ISYNA1: variants seen among roughly 807,000 people sequenced by gnomAD.
The protein encoded by ISYNA1 is inositol-3-phosphate synthase 1, also known as MI-1-P synthase.
In ISYNA1, 34 loss-of-function variants were observed where a neutral mutation model predicts 50.3. The observed-to-expected ratio is 0.68, with a 90% CI of 0.51 to 0.90. The LOEUF is 0.90. ISYNA1 is among the 40% of genes least tolerant of loss of function. ISYNA1 has a pLI of 0.00. For missense variants in ISYNA1, 718 were observed against 784.8 expected (o/e 0.91, Z 1.02); for synonymous variants, 396 against 349.9 (o/e 1.13, Z -1.47).
At chr19:18,437,132 G>GA in intron 3 of ISYNA1, 27 bp from the exon 4 acceptor site, 1 of 1,546,430 alleles carries the variant, frequency 6.5e-7, no homozygotes, top group Non-Finnish European at 8.7e-7. Flanking sequence ...ACGGCGAGGT[G>GA]ACGGGTGGGA....
In ISYNA1 at chr19:18,436,531, T is replaced by C. The variant is rs1974052654; in HGVS notation, c.610-52A>G. On this transcript the variant is annotated intron_variant, in intron 5 of 10. Coordinates refer to ENST00000338128, the MANE Select transcript of ISYNA1 (RefSeq NM_016368.5). ...GGAGGATGGAGAGGGTGTAGGGAAG[T>C]TGGTTGTACATACTCTCGGACTCAC... 4 of 1,599,790 alleles carry C rather than the reference T, an allele frequency of 2.5e-6. No individual in the cohort carries two copies. In the East Asian group the frequency reaches 8.9e-5, roughly 36 times the overall value.
chr19:18,435,009 C>G lies in ISYNA1; in HGVS notation c.1581G>C (p.Met527Ile). The change falls in exon 11 of 11, where the codon ATG (methionine) becomes ATC (isoleucine). Residue 527 changes from methionine to isoleucine, a missense_variant. Physicochemically the swap from Met to Ile is conservative, Grantham distance 10. This residue lies in a region of ISYNA1 where 305 missense variants were observed against 292.6 expected (regional missense o/e 1.04). Transcript: ENST00000338128. Reference protein sequence around the residue: ...RVGPVAATYPMLNKKGPVPAA... With the variant: ...RVGPVAATYPILNKKGPVPAA... ...CGGGTACCGGTCCTTTCTTGTTCAA[C>G]ATAGGGTAGGTGGCAGCCACGGGTC... is the stretch of plus-strand genomic sequence containing the variant. The G allele has an allele frequency of 6.2e-7, 1 of 1,613,540 alleles. No individual in the cohort carries two copies. Among genetic ancestry groups the G allele is most frequent in the Non-Finnish European group, 8.5e-7 (1 of 1,180,002 alleles).
At chr19:18,437,310 G>C in intron 3 of ISYNA1, 4 of 1,418,098 alleles carry the variant, frequency 2.8e-6, no homozygotes, top group Non-Finnish European at 3.7e-6. Context: ...TAAGACTCCC[G>C]AGGAGTCCCC....
Position 18,435,546 on chromosome 19 carries a change from C to T in ISYNA1, c.1254+17G>A, listed in dbSNP as rs369788507. 2.6e-5 allele frequency: 41 copies of T among 1,603,344 alleles called. No individual in the cohort carries two copies. Among genetic ancestry groups the T allele is most frequent in the African/African-American group, 1.7e-4 (13 of 74,574 alleles). On this transcript the variant is annotated intron_variant, in intron 9 of 10. Transcript: ENST00000338128. ...CAAGCCCTGCCTCCCATAGCAGCCC[C>T]TGAAGCCGCGCCGCACCTCACACGT... is the stretch of plus-strand genomic sequence containing the variant.
rs1974145265 is a variant in ISYNA1, at chr19:18,438,113, C to T, written c.-30G>A. The stretch of plus-strand genomic sequence containing the variant: ...CTCACCGGCGCAGAGTCGACTCAGG[C>T]AGCGGCGGCGGACAGCGCGGGCTCT... On this transcript the variant is annotated 5_prime_UTR_variant, in exon 1 of 11. Coordinates refer to ENST00000338128, the MANE Select transcript of ISYNA1 (RefSeq NM_016368.5). The T allele has an allele frequency of 5.0e-6, 5 of 1,004,150 alleles. No individual in the cohort carries two copies. The South Asian group carries it at 5.9e-5, about 12-fold the overall frequency. 62.2% of individuals were successfully genotyped at this position (1,004,150 alleles called of 1,614,324 possible).
Position 18,434,808 on chromosome 19 carries a change from G to A in ISYNA1, c.*105C>T. The A allele has an allele frequency of 1.0e-6, 1 of 973,934 alleles. No homozygotes were observed. Among genetic ancestry groups the A allele is most frequent in the Non-Finnish European group, 1.6e-6 (1 of 627,350 alleles). 60.3% of individuals were successfully genotyped at this position (973,934 alleles called of 1,614,324 possible). On this transcript the variant is annotated 3_prime_UTR_variant, in exon 11 of 11. Transcript: ENST00000338128. ...AGGTCACAGGCCCCAAGAACCCCAG[G>A]TGGAAGGAGGGCTGAGTGGCAGCGC...
In ISYNA1 at chr19:18,434,454, G is replaced by C; in HGVS notation, c.*459C>G. 1.0e-6 allele frequency: 1 copy of C among 988,944 alleles called. No individual in the cohort carries two copies. Among genetic ancestry groups the C allele is most frequent in the South Asian group, 2.5e-5 (1 of 40,576 alleles). The allele number at this position is 988,944 out of a possible 1,614,324, so 61.3% of individuals were successfully genotyped here. A position where few individuals can be genotyped will look rare whatever the true frequency, so the allele number is the denominator to read the frequency against. On this transcript the variant is annotated 3_prime_UTR_variant, in exon 11 of 11. Transcript: ENST00000338128. ...GTTCTTTTCTGTATGGACCCTTCCT[G>C]CCATTTGTATTTTGTCCCAGAGAGA...
intron 3 of ISYNA1, 140 bp downstream of exon 3, chr19:18,437,459 C>A: frequency 2.0e-6 from 2 of 978,528 alleles, no homozygotes; most frequent in Non-Finnish European, 2.7e-6. Flanking sequence ...GTCCCTCGCC[C>A]CTGCAGCCCC....
rs1974023291 is a variant in ISYNA1, at chr19:18,436,263, G to GC, written c.760-17dup. 6.2e-7 allele frequency: 1 copy of GC among 1,607,490 alleles called. No homozygotes were observed. Among genetic ancestry groups the GC allele is most frequent in the African/African-American group, 1.3e-5 (1 of 74,862 alleles). On this transcript the variant is annotated splice_polypyrimidine_tract_variant and intron_variant, in intron 6 of 10. Coordinates refer to ENST00000338128, the MANE Select transcript of ISYNA1 (RefSeq NM_016368.5). Reference sequence around the variant, plus strand: ...CCAGACCGAGCTGTGGGCAAGGCGGGCAGTCAGCACAGAGCTGTGTCTGTG... The same window carrying GC: ...CCAGACCGAGCTGTGGGCAAGGCGGGCCAGTCAGCACAGAGCTGTGTCTGTG...
Position 18,437,101 on chromosome 19 carries a change from G to C in ISYNA1, c.287C>G (p.Ala96Gly), listed in dbSNP as rs796373956. The change falls in exon 4 of 11, where the codon GCC becomes GGC. Residue 96 changes from alanine (A) to glycine (G), a missense_variant. Physicochemically the swap from Ala to Gly is moderately conservative, Grantham distance 60. This residue lies in a region of ISYNA1 where 403 missense variants were observed against 466.6 expected (regional missense o/e 0.86). Coordinates refer to ENST00000338128, the MANE Select transcript of ISYNA1 (RefSeq NM_016368.5). ...SWPTRSGRKE[A>G]NYYGSLTQAG... ...CTGAGTCAGCGAGCCGTAGTAGTTGGCCTCCTGGGGGTCAGCAGACACGGC... is the reference window on the plus strand; with the variant it reads ...CTGAGTCAGCGAGCCGTAGTAGTTGCCCTCCTGGGGGTCAGCAGACACGGC... 1 of 1,579,430 alleles carries C rather than the reference G, an allele frequency of 6.3e-7. No homozygotes were observed. Among genetic ancestry groups the C allele is most frequent in the Admixed American group, 1.8e-5 (1 of 54,860 alleles).
Position 18,434,406 on chromosome 19 carries a change from A to G in ISYNA1, c.*507T>C. 7.6e-7 allele frequency: 1 copy of G among 1,314,738 alleles called. No individual in the cohort carries two copies. Among genetic ancestry groups the G allele is most frequent in the African/African-American group, 1.5e-5 (1 of 65,964 alleles). 81.4% of individuals were successfully genotyped at this position (1,314,738 alleles called of 1,614,324 possible). A position where few individuals can be genotyped will look rare whatever the true frequency, so the allele number is the denominator to read the frequency against. Reference sequence around the variant, plus strand: ...CACGAAAGACTCTTACCATTTTATTAAAAACGCAAGGACCTCAGAGACGTT... The same window carrying G: ...CACGAAAGACTCTTACCATTTTATTGAAAACGCAAGGACCTCAGAGACGTT... On this transcript the variant is annotated 3_prime_UTR_variant, in exon 11 of 11. Transcript: ENST00000338128.
At chr19:18,436,572 T>C in intron 5 of ISYNA1, 93 bp from the exon 6 acceptor site, 1 of 1,597,128 alleles carries the variant, frequency 6.3e-7, no homozygotes. Context: ...CCTGGGCTAC[T>C]CAGTTCCCCG....
In ISYNA1 at chr19:18,434,690, C is replaced by T. The variant is rs991256161; in HGVS notation, c.*223G>A. 6.8e-6 allele frequency: 4 copies of T among 589,144 alleles called. No homozygotes were observed. The highest frequency in any genetic ancestry group is 4.1e-5 in the South Asian group (2 of 48,960). The allele number at this position is 589,144 out of a possible 1,614,324, so 36.5% of individuals were successfully genotyped here. ...GCAGAGCGAGGCTCCAGGTTCTGGG[C>T]TCTCCCTGGGAGTTGGGGTGATGAC... is the stretch of plus-strand genomic sequence containing the variant. On this transcript the variant is annotated 3_prime_UTR_variant, in exon 11 of 11. Transcript: ENST00000338128.
rs1271013314 is a variant in ISYNA1 at position 18,437,622 on chromosome 19, A to G, written c.259T>C (p.Trp87Arg). The change falls in exon 3 of 11, where the codon TGG becomes CGG. Residue 87 changes from tryptophan (W) to arginine (R), a missense_variant. Physicochemically the swap from Trp to Arg is moderately radical, Grantham distance 101 (BLOSUM62 -3). Transcript: ENST00000338128. ...ACCTTGCGGCCGCTGCGCGTGGGCC[A>G]GGACAAACGCAGTCGATTGGCCAGC... ...AVLANRLRLS[W>R]PTRSGRKEAN... is the part of the protein sequence containing the mutation. The G allele has an allele frequency of 7.7e-7, 1 of 1,297,148 alleles. No homozygotes were observed. Among genetic ancestry groups the G allele is most frequent in the Non-Finnish European group, 1.0e-6 (1 of 997,040 alleles). 80.4% of individuals were successfully genotyped at this position (1,297,148 alleles called of 1,614,324 possible).
chr19:18,437,118 A>G lies in ISYNA1; in HGVS notation c.283-13T>C. On this transcript the variant is annotated splice_polypyrimidine_tract_variant and intron_variant, in intron 3 of 10. Coordinates refer to ENST00000338128, the MANE Select transcript of ISYNA1 (RefSeq NM_016368.5). ...AGTAGTTGGCCTCCTGGGGGTCAGC[A>G]GACACGGCGAGGTGACGGGTGGGAG... The G allele has an allele frequency of 6.4e-7, 1 of 1,559,480 alleles. No individual in the cohort carries two copies.
Position 18,434,856 on chromosome 19 carries a change from G to T in ISYNA1, c.*57C>A, listed in dbSNP as rs563687209. ...CGCCTTTATTTGTGGGGGCCTTCAA[G>T]GTAGGGTCGTGGGGGGCAGCGGGGA... On this transcript the variant is annotated 3_prime_UTR_variant, in exon 11 of 11. Transcript: ENST00000338128. 51 of 1,474,828 alleles carry T rather than the reference G, an allele frequency of 3.5e-5. No individual in the cohort carries two copies. The African/African-American group carries it at 5.9e-4, about 17-fold the overall frequency. 91.4% of individuals were successfully genotyped at this position (1,474,828 alleles called of 1,614,324 possible).
At position 18,437,865 on chromosome 19, in the gene ISYNA1, G is replaced by C. The variant is rs776585443; in HGVS notation, c.115C>G (p.Leu39Val). 1 of 1,611,820 alleles carries C rather than the reference G, an allele frequency of 6.2e-7. No homozygotes were observed. Residue 39 changes from leucine to valine, a missense_variant, in exon 2 of 11, where the codon CTC becomes GTC. Physicochemically the swap from Leu to Val is conservative, Grantham distance 32. This residue lies in a region of ISYNA1 where 403 missense variants were observed against 466.6 expected (regional missense o/e 0.86). Transcript: ENST00000338128. Reference protein sequence around the residue: ...TTRVSREGGVLKVHPTSTRFT... With the variant: ...TTRVSREGGVVKVHPTSTRFT... ...TCCTCAGCCCCCTGGTCCACCTTGA[G>C]AACGCCACCCTCGCGGCTGACGCGC... is the stretch of plus-strand genomic sequence containing the variant.
At chr19:18,436,944 G>GCCCCCGGGGCCCCCC in intron 4 of ISYNA1, 29 bp downstream of exon 4, 1 of 682,548 alleles carries the variant, frequency 1.5e-6, no homozygotes, top group Non-Finnish European at 2.5e-6. Context: ...CTCCCATCCC[G>GCCCCCGGGGCCCCCC]CCCCACCCCG....
In ISYNA1 at chr19:18,436,125, C is replaced by A; in HGVS notation, c.882G>T (p.Gln294His). The change falls in exon 7 of 11, where the codon CAG becomes CAT. Residue 294 changes from glutamine (Q) to histidine (H), a missense_variant. Transcript: ENST00000338128. ...CATCTCCGCCCACAAAAACCCGGTG[C>A]TGCCACGCGAGCTCAAGAGCTCCGG... Reference protein sequence around the residue: ...LVPGALELAWQHRVFVGGDDF... With the variant: ...LVPGALELAWHHRVFVGGDDF... 1.2e-6 allele frequency: 2 copies of A among 1,612,908 alleles called. No individual in the cohort carries two copies. The highest frequency in any genetic ancestry group is 1.7e-6 in the Non-Finnish European group (2 of 1,179,938).
Sources: allele counts gnomAD v4.1 joint callset, GRCh38; gene constraint gnomAD v4.1.1; regional missense constraint gnomAD v4.1.1; transcripts MANE v1.5; gene names NCBI Gene and HGNC (gene_info 2026-07-23, HGNC 2026-07-21).